IL1RAPL1: variants seen among roughly 807,000 people sequenced by gnomAD.
IL1RAPL1 encodes interleukin-1 receptor accessory protein-like 1.
In IL1RAPL1, 3 loss-of-function variants were observed where a neutral mutation model predicts 48.4. The observed-to-expected ratio is 0.06, with a 90% CI of 0.03 to 0.16. The LOEUF (loss-of-function observed/expected upper bound fraction) is 0.16, where lower values mean the gene tolerates loss of function less well. IL1RAPL1 is among the 10% of genes least tolerant of loss of function. IL1RAPL1 has a pLI of 1.00. For synonymous variants in IL1RAPL1, 185 were observed against 187.7 expected (o/e 0.99, Z 0.12); for missense variants, 349 against 530.6 (o/e 0.66, Z 3.36).
chrX:29,862,758 T>A (rs1931614510), intron 6 of IL1RAPL1, among the ~76,000 whole-genome samples: 1 of 110,509 alleles, frequency 9.0e-6, no homozygotes, highest in Admixed American at 9.7e-5. Flanking sequence ...ACAATATCTA[T>A]CGGTAGACAT....
At chrX:29,535,612 T>C (rs777183679) in intron 5 of IL1RAPL1, among the ~76,000 whole-genome samples, 1 of 112,258 alleles carries the variant, frequency 8.9e-6, no homozygotes, top group South Asian at 3.7e-4. Flanking sequence ...AAGCATTCTT[T>C]GTTTGGAATG....
intron 5 of IL1RAPL1, among the ~76,000 whole-genome samples, chrX:29,632,349 C>CTG (rs1311753677): frequency 9.1e-6 from 1 of 109,882 alleles, no homozygotes; most frequent in Non-Finnish European, 1.9e-5. Flanking sequence ...CGGGGTTTCA[C>CTG]TGTGTTAGCC....
In IL1RAPL1 at chrX:29,111,404, T is replaced by C. The variant is rs1428125285; in HGVS notation, c.83-171534T>C. 5.3e-5 allele frequency among the ~76,000 whole-genome samples: 6 copies of C among 112,474 alleles called. No individual in the cohort carries two copies. The East Asian group carries it at 1.4e-3, about 26-fold the overall frequency. ...AATTCCACATTTTCTCCGAGGTGCC[T>C]CCACACTGATGAGTACACTGGTAGT... On this transcript the variant is annotated intron_variant, in intron 2 of 10. Coordinates refer to ENST00000378993, the MANE Select transcript of IL1RAPL1 (RefSeq NM_014271.4).
At chrX:29,750,292 T>G (rs1928427832) in intron 6 of IL1RAPL1, among the ~76,000 whole-genome samples, 2 of 112,269 alleles carry the variant, frequency 1.8e-5, no homozygotes, top group Non-Finnish European at 3.8e-5. Context: ...CACTTTTTCT[T>G]CAGAAAGTAG....
chrX:29,253,576 C>G (rs1316984596), intron 2 of IL1RAPL1, among the ~76,000 whole-genome samples: 2 of 111,133 alleles, frequency 1.8e-5, no homozygotes, highest in African/African-American at 6.5e-5. Context: ...CCCCACAACT[C>G]CTTTAGGTTG....
chrX:28,795,311 A>C (rs1402368520), intron 2 of IL1RAPL1, among the ~76,000 whole-genome samples: 1 of 111,822 alleles, frequency 8.9e-6, no homozygotes, highest in Non-Finnish European at 1.9e-5. Context: ...CTTGCACCTA[A>C]CAAACAAAAT....
intron 5 of IL1RAPL1, among the ~76,000 whole-genome samples, chrX:29,621,240 A>G (rs1441857127): frequency 8.9e-6 from 1 of 111,744 alleles, no homozygotes; most frequent in East Asian, 2.8e-4. Context: ...AGGTTACATT[A>G]TTGCTTAGCA....
intron 1 of IL1RAPL1, among the ~76,000 whole-genome samples, chrX:28,776,349 A>C (rs1487602551): frequency 8.9e-6 from 1 of 111,926 alleles, no homozygotes; most frequent in Non-Finnish European, 1.9e-5. Flanking sequence ...GTTAAGAAGC[A>C]ACAAGATCAA....
At chrX:29,310,135 G>GA (rs763228577) in intron 3 of IL1RAPL1, among the ~76,000 whole-genome samples, 1,523 of 41,039 alleles carry the variant, frequency 0.037, 37 homozygotes, top group Middle Eastern at 0.071. Flanking sequence ...AAAAAGAAAG[G>GA]AAAAAAAAAA....
chrX:29,819,321 A>G (rs1435725518), intron 6 of IL1RAPL1, among the ~76,000 whole-genome samples: 1 of 111,636 alleles, frequency 9.0e-6, no homozygotes, highest in South Asian at 3.8e-4. Context: ...TTTTGACTAC[A>G]TACAACCAGA....
chrX:28,802,254 G>C (rs1936684726), intron 2 of IL1RAPL1, among the ~76,000 whole-genome samples: 1 of 112,104 alleles, frequency 8.9e-6, no homozygotes, highest in African/African-American at 3.2e-5. Flanking sequence ...AGTAAAATTT[G>C]GTTTGTCAGT....
chrX:28,690,119 G>A (rs1254753992), intron 1 of IL1RAPL1, among the ~76,000 whole-genome samples: 2 of 111,316 alleles, frequency 1.8e-5, no homozygotes, highest in Non-Finnish European at 3.8e-5. Context: ...GGGGGTGGGG[G>A]TAGTGGATAA....
intron 8 of IL1RAPL1, among the ~76,000 whole-genome samples, chrX:29,932,929 G>T (rs1047395243): frequency 8.9e-6 from 1 of 111,838 alleles, no homozygotes; most frequent in African/African-American, 3.2e-5. Flanking sequence ...AAAACAAATA[G>T]AAAATGTATG....
At chrX:29,221,757 A>C (rs1930984789) in intron 2 of IL1RAPL1, among the ~76,000 whole-genome samples, 1 of 110,367 alleles carries the variant, frequency 9.1e-6, no homozygotes, top group Non-Finnish European at 1.9e-5. Flanking sequence ...TCACGCCCGT[A>C]ATGCCAGCAC....
intron 5 of IL1RAPL1, among the ~76,000 whole-genome samples, chrX:29,504,079 G>T (rs760931947): frequency 4.6e-5 from 5 of 108,977 alleles, no homozygotes; most frequent in Non-Finnish European, 9.5e-5. Context: ...TCCTGCCTCA[G>T]TCTCCTGAGT....
chrX:28,729,955 T>TCAAAACAAAAAA, intron 1 of IL1RAPL1, among the ~76,000 whole-genome samples: 1 of 111,517 alleles, frequency 9.0e-6, no homozygotes, highest in East Asian at 2.8e-4. Context: ...AAGATCCATC[T>TCAAAACAAAAAA]CAAAACAAAA....
intron 2 of IL1RAPL1, among the ~76,000 whole-genome samples, chrX:28,824,168 T>C (rs1936967238): frequency 8.9e-6 from 1 of 111,766 alleles, no homozygotes; most frequent in African/African-American, 3.2e-5. Flanking sequence ...TTTAAGCTCC[T>C]ATTACCACTT....
At chrX:28,659,415 T>A in intron 1 of IL1RAPL1, 2 of 534,753 alleles carry the variant, frequency 3.7e-6, no homozygotes, top group Admixed American at 4.9e-5. Context: ...GCCAGTTGCT[T>A]CCCGGGTGTT....
chrX:28,935,756 T>C (rs968511649), intron 2 of IL1RAPL1, among the ~76,000 whole-genome samples: 1 of 111,926 alleles, frequency 8.9e-6, no homozygotes, highest in East Asian at 2.8e-4. Context: ...TATTGACTGT[T>C]GAACGTATTC....
Sources: gnomAD v4.1 joint callset for allele counts (sites outside exome capture counted in the v4.1 genomes callset) on GRCh38, gnomAD v4.1.1 for gene constraint, MANE v1.5 for transcripts, NCBI Gene and HGNC (gene_info 2026-07-23, HGNC 2026-07-21) for gene names.